TMPRSS15: variants seen among roughly 807,000 people sequenced by gnomAD.
TMPRSS15 encodes the protein transmembrane serine protease 15.
A neutral mutation model predicts 125.3 loss-of-function variants in TMPRSS15; 128 were observed. The observed-to-expected ratio is 1.02, with a 90% CI of 0.89 to 1.18. The LOEUF is 1.18. Among genes scored for constraint, TMPRSS15 ranks in the 50% most tolerant of loss-of-function variants. The pLI is 0.00. For missense variants in TMPRSS15, 1,283 were observed against 1,212.7 expected (o/e 1.06, Z -0.86); for synonymous variants, 446 against 423.2 (o/e 1.05, Z -0.66).
At chr21:18,313,143 C>A in intron 17 of TMPRSS15, 66 bp from the exon 18 acceptor site, 3 of 1,135,428 alleles carry the variant, frequency 2.6e-6, no homozygotes, top group Non-Finnish European at 4.0e-6. Context: ...GGGAAGACAT[C>A]GTTCAAAGAG....
chr21:18,440,139 C>T (rs368019843), intron 1 of TMPRSS15, among the ~76,000 whole-genome samples: 6 of 152,026 alleles, frequency 3.9e-5, no homozygotes, highest in East Asian at 3.9e-4. Flanking sequence ...CTTTGGGAGG[C>T]CGAGACGGGC....
intron 1 of TMPRSS15, among the ~76,000 whole-genome samples, chr21:18,468,463 C>A (rs540864122): frequency 6.6e-6 from 1 of 152,030 alleles, no homozygotes; most frequent in African/African-American, 2.4e-5. Context: ...CCTCCTTAGA[C>A]CTCTCTGGAG....
chr21:18,355,355 C>T (rs1036927963), intron 8 of TMPRSS15, among the ~76,000 whole-genome samples: 1 of 151,650 alleles, frequency 6.6e-6, no homozygotes, highest in African/African-American at 2.4e-5. Flanking sequence ...TGGATTCTCA[C>T]GATATCTAAT....
Position 18,332,166 on chromosome 21 carries a change from A to G in TMPRSS15, c.1572T>C (p.Cys524=). Residue 524 remains cysteine, a synonymous_variant, in exon 14 of 25, where the codon TGT becomes TGC. Coordinates refer to ENST00000284885, the MANE Select transcript of TMPRSS15 (RefSeq NM_002772.3). ...PTPPPELPTD[C]GGPFELWEPN... is the part of the protein sequence containing the mutation. ...GCTCCCACAGCTCAAAAGGTCCTCC[A>G]CAGTCCGCTGAAAAGGAAAGCAATG... 1 of 1,614,008 alleles carries G rather than the reference A, an allele frequency of 6.2e-7. No homozygotes were observed. The highest frequency in any genetic ancestry group is 1.3e-5 in the African/African-American group (1 of 75,056).
chr21:18,273,014 C>CAGAT (rs1321854665), intron 24 of TMPRSS15, among the ~76,000 whole-genome samples: 2 of 152,104 alleles, frequency 1.3e-5, no homozygotes, highest in African/African-American at 4.8e-5. Context: ...TCTGATTCAG[C>CAGAT]AGATATGTGA....
intron 15 of TMPRSS15, among the ~76,000 whole-genome samples, chr21:18,328,591 G>T (rs1353588569): frequency 1.3e-5 from 2 of 152,114 alleles, no homozygotes; most frequent in African/African-American, 4.8e-5. Context: ...AACTCATGGA[G>T]ATAGAGAGTA....
chr21:18,379,314 C>T lies in TMPRSS15; in HGVS notation c.501G>A (p.Lys167=). 11 of 1,316,330 alleles carry T rather than the reference C, an allele frequency of 8.4e-6. No homozygotes were observed. Among genetic ancestry groups the T allele is most frequent in the Non-Finnish European group, 1.1e-5 (11 of 1,000,660 alleles). The allele number at this position is 1,316,330 out of a possible 1,614,324, so 81.5% of individuals were successfully genotyped here. ...TTGCCAGATGACTGGTGGTTGTTAG[C>T]TTGTCTGAAAAATAAATTATATTAA... ...IDLNSVDILD[K]LTTTSHLATP... Residue 167 remains lysine, a synonymous_variant, in exon 5 of 25, where the codon AAG becomes AAA. Coordinates refer to ENST00000284885, the MANE Select transcript of TMPRSS15 (RefSeq NM_002772.3).
intron 7 of TMPRSS15, among the ~76,000 whole-genome samples, chr21:18,361,459 C>T (rs2075679292): frequency 6.6e-6 from 1 of 151,954 alleles, no homozygotes; most frequent in Admixed American, 6.6e-5. Context: ...TTTCCAAGGC[C>T]AAGCAGGAGC....
intron 1 of TMPRSS15, among the ~76,000 whole-genome samples, chr21:18,412,995 T>A (rs1216119613): frequency 6.6e-6 from 1 of 152,210 alleles, no homozygotes; most frequent in Non-Finnish European, 1.5e-5. Flanking sequence ...TCATTCTCTA[T>A]CTGTATTCAT....
chr21:18,315,902 G>A (rs190956335), intron 16 of TMPRSS15, among the ~76,000 whole-genome samples: 118 of 148,646 alleles, frequency 7.9e-4, no homozygotes, highest in African/African-American at 2.7e-3. Context: ...TCAAGGTGGA[G>A]CTAGCTTTGA....
intron 1 of TMPRSS15, among the ~76,000 whole-genome samples, chr21:18,470,645 T>C (rs554613157): frequency 2.6e-5 from 4 of 152,216 alleles, no homozygotes; most frequent in Admixed American, 6.6e-5. Context: ...CACAGACTCT[T>C]TATTCTCCTT....
chr21:18,270,597 T>C (rs1213325024), intron 24 of TMPRSS15, among the ~76,000 whole-genome samples: 1 of 152,220 alleles, frequency 6.6e-6, no homozygotes, highest in Non-Finnish European at 1.5e-5. Flanking sequence ...TCTTGGGTAG[T>C]ATTATCTTTT....
intron 1 of TMPRSS15, among the ~76,000 whole-genome samples, chr21:18,462,399 G>C (rs2122953159): frequency 1.1e-4 from 17 of 151,840 alleles, no homozygotes; most frequent in Non-Finnish European, 1.8e-4. Flanking sequence ...TTAACTACCT[G>C]TCCAATAAAG....
intron 1 of TMPRSS15, among the ~76,000 whole-genome samples, chr21:18,412,624 T>C (rs2076168872): frequency 6.6e-6 from 1 of 152,200 alleles, no homozygotes; most frequent in East Asian, 1.9e-4. Context: ...TTTAACGATG[T>C]CAGTTTCGAG....
At chr21:18,276,207 C>G (rs531873266) in intron 23 of TMPRSS15, among the ~76,000 whole-genome samples, 14 of 152,194 alleles carry the variant, frequency 9.2e-5, no homozygotes, top group Non-Finnish European at 1.5e-4. Context: ...TTCGTGCACA[C>G]GTGCACGTGT....
chr21:18,475,678 T>A (rs558654707), intron 1 of TMPRSS15, among the ~76,000 whole-genome samples: 4 of 152,230 alleles, frequency 2.6e-5, no homozygotes, highest in Non-Finnish European at 5.9e-5. Flanking sequence ...ATAAAAATGC[T>A]GATTATTTCC....
chr21:18,313,335 ATCTC>A (rs59702784), intron 17 of TMPRSS15, among the ~76,000 whole-genome samples: 7 of 150,142 alleles, frequency 4.7e-5, no homozygotes, highest in Admixed American at 2.7e-4. Flanking sequence ...TCATTCCTCA[ATCTC>A]TCTCTCTCTC....
At chr21:18,480,489 A>AT (rs1984274306) in intron 1 of TMPRSS15, among the ~76,000 whole-genome samples, 3 of 151,860 alleles carry the variant, frequency 2.0e-5, no homozygotes, top group African/African-American at 7.3e-5. Flanking sequence ...GTACAAACAT[A>AT]TTTTTTATTT....
chr21:18,333,587 C>G (rs1389845661), intron 13 of TMPRSS15, among the ~76,000 whole-genome samples: 2 of 151,824 alleles, frequency 1.3e-5, no homozygotes, highest in Non-Finnish European at 2.9e-5. Context: ...TAAGGGGAAG[C>G]TTCACTATTC....
Sources: gnomAD v4.1 joint callset for allele counts (sites outside exome capture counted in the v4.1 genomes callset) on GRCh38, gnomAD v4.1.1 for gene constraint, MANE v1.5 for transcripts, NCBI Gene and HGNC (gene_info 2026-07-23, HGNC 2026-07-21) for gene names.